CDH18: variants seen among roughly 807,000 people sequenced by gnomAD.
The protein encoded by CDH18 is cadherin 18.
CDH18 carries 31 observed loss-of-function variants against 67.9 expected under a neutral mutation model. That is an observed-to-expected ratio of 0.46 (90% CI 0.34 to 0.62). The LOEUF (loss-of-function observed/expected upper bound fraction) is 0.62. CDH18 is among the 20% of genes least tolerant of loss of function. The pLI, the probability that CDH18 is intolerant of heterozygous loss-of-function variation, is 0.01. For synonymous variants in CDH18, 362 were observed against 347.2 expected (o/e 1.04, Z -0.48); for missense variants, 890 against 975.5 (o/e 0.91, Z 1.17).
chr5:20,412,293 T>C (rs74553342), intron 1 of CDH18, among the ~76,000 whole-genome samples: 16,259 of 152,138 alleles, frequency 0.11, 1,079 homozygotes, highest in East Asian at 0.25. Context: ...CAATAAACGA[T>C]ACTGGGAAAA....
chr5:19,636,751 C>T (rs1442306881), intron 5 of CDH18, among the ~76,000 whole-genome samples: 1 of 151,614 alleles, frequency 6.6e-6, no homozygotes, highest in Non-Finnish European at 1.5e-5. Context: ...TTTTCTCATG[C>T]TATGTTCACA....
At chr5:19,572,815 G>C (rs529803074) in intron 7 of CDH18, among the ~76,000 whole-genome samples, 1 of 152,224 alleles carries the variant, frequency 6.6e-6, no homozygotes, top group Non-Finnish European at 1.5e-5. Context: ...CATCCCTTCA[G>C]TTCATAGCAA....
intron 2 of CDH18, among the ~76,000 whole-genome samples, chr5:20,109,610 G>C (rs1747279005): frequency 6.6e-6 from 1 of 152,142 alleles, no homozygotes; most frequent in African/African-American, 2.4e-5. Flanking sequence ...CCCAAGCCAG[G>C]TTCCCCTAAG....
chr5:20,303,587 C>T (rs1311318313), intron 1 of CDH18, among the ~76,000 whole-genome samples: 1 of 151,144 alleles, frequency 6.6e-6, no homozygotes, highest in African/African-American at 2.4e-5. Flanking sequence ...CATTTGGTAA[C>T]AACAAGTCTC....
chr5:20,295,028 T>C (rs1490842586), intron 1 of CDH18, among the ~76,000 whole-genome samples: 1 of 152,140 alleles, frequency 6.6e-6, no homozygotes, highest in African/African-American at 2.4e-5. Flanking sequence ...ATCAGACAAG[T>C]ATAATTTAGA....
intron 1 of CDH18, among the ~76,000 whole-genome samples, chr5:20,573,952 TTA>T (rs200908028): frequency 6.9e-6 from 1 of 145,616 alleles, no homozygotes; most frequent in African/African-American, 2.5e-5. Flanking sequence ...TTTAAGTATT[TTA>T]TATATATATA....
chr5:20,329,329 TA>T (rs1561976406), intron 1 of CDH18, among the ~76,000 whole-genome samples: 3 of 152,330 alleles, frequency 2.0e-5, no homozygotes, highest in East Asian at 1.9e-4. Context: ...ATTTGCATTT[TA>T]AAACTTTCAA....
At chr5:20,042,934 C>T (rs954697395) in intron 2 of CDH18, among the ~76,000 whole-genome samples, 14 of 151,890 alleles carry the variant, frequency 9.2e-5, no homozygotes, top group African/African-American at 3.4e-4. Flanking sequence ...TGCACTCCAG[C>T]CTGGGCGACA....
At chr5:19,664,342 C>G (rs773563710) in intron 5 of CDH18, among the ~76,000 whole-genome samples, 1 of 151,866 alleles carries the variant, frequency 6.6e-6, no homozygotes, top group Non-Finnish European at 1.5e-5. Flanking sequence ...ACTCTATAAA[C>G]TCATCACCCC....
chr5:20,302,765 C>A (rs1247948317), intron 1 of CDH18, among the ~76,000 whole-genome samples: 1 of 152,208 alleles, frequency 6.6e-6, no homozygotes, highest in Non-Finnish European at 1.5e-5. Context: ...CACACGTGAG[C>A]CCTTGGGCAC....
intron 1 of CDH18, among the ~76,000 whole-genome samples, chr5:20,479,664 A>G (rs1752661340): frequency 6.6e-6 from 1 of 152,136 alleles, no homozygotes; most frequent in Admixed American, 6.6e-5. Flanking sequence ...ATTGGCCTTA[A>G]AATTATTGGC....
intron 1 of CDH18, among the ~76,000 whole-genome samples, chr5:20,398,069 T>C (rs1299372059): frequency 6.6e-6 from 1 of 152,184 alleles, no homozygotes; most frequent in Non-Finnish European, 1.5e-5. Flanking sequence ...TACCACACCA[T>C]ACCTTATGGT....
At chr5:19,530,419 G>T (rs1252838147) in intron 9 of CDH18, among the ~76,000 whole-genome samples, 1 of 152,024 alleles carries the variant, frequency 6.6e-6, no homozygotes, top group East Asian at 1.9e-4. Flanking sequence ...CCAATAAATT[G>T]TAATTTTCTT....
intron 1 of CDH18, among the ~76,000 whole-genome samples, chr5:20,435,110 A>G (rs1409507665): frequency 6.6e-6 from 1 of 152,042 alleles, no homozygotes; most frequent in African/African-American, 2.4e-5. Flanking sequence ...GAAATGAAGA[A>G]ACAGTAGTGA....
intron 5 of CDH18, among the ~76,000 whole-genome samples, chr5:19,700,135 A>T (rs1209164174): frequency 1.3e-5 from 2 of 152,182 alleles, no homozygotes. Flanking sequence ...CTTATACTCC[A>T]TAAAAATTAA....
chr5:19,839,499 A>T (rs189352131), intron 2 of CDH18, among the ~76,000 whole-genome samples: 175 of 152,328 alleles, frequency 1.1e-3, no homozygotes, highest in African/African-American at 3.9e-3. Context: ...CAAATTTGTT[A>T]TATATACTAC....
chr5:19,737,788 A>G (rs1016457618), intron 4 of CDH18, among the ~76,000 whole-genome samples: 7 of 152,230 alleles, frequency 4.6e-5, no homozygotes, highest in African/African-American at 1.7e-4. Context: ...TGATACAAAC[A>G]ATTTTAATTT....
Position 20,471,148 on chromosome 5 carries a change from C to T in CDH18, c.-580+104314G>A, listed in dbSNP as rs147920312. 2.2e-3 allele frequency among the ~76,000 whole-genome samples: 334 copies of T among 152,154 alleles called. 1 individual carries two copies. The highest frequency in any genetic ancestry group is 7.9e-3 in the African/African-American group (327 of 41,420). ...CTATTTTTGTAAGGTTGCATGTGGGCTCCACTGCTAAGAGCAAGGCCACTT... is the reference window on the plus strand; with the variant it reads ...CTATTTTTGTAAGGTTGCATGTGGGTTCCACTGCTAAGAGCAAGGCCACTT... On this transcript the variant is annotated intron_variant, in intron 1 of 14. Transcript: ENST00000507958.
At chr5:20,285,574 A>T (rs1746637552) in intron 1 of CDH18, among the ~76,000 whole-genome samples, 1 of 151,386 alleles carries the variant, frequency 6.6e-6, no homozygotes, top group Non-Finnish European at 1.5e-5. Flanking sequence ...AAGTGTATTT[A>T]TAAAGAAGAA....
Sources: gnomAD v4.1 joint callset for allele counts (sites outside exome capture counted in the v4.1 genomes callset) on GRCh38, gnomAD v4.1.1 for gene constraint, MANE v1.5 for transcripts, NCBI Gene and HGNC (gene_info 2026-07-23, HGNC 2026-07-21) for gene names.